BBX: variants seen among roughly 807,000 people sequenced by gnomAD.
The protein encoded by BBX is BBX high mobility group box domain containing, also known as HMG box transcription factor BBX.
BBX carries 30 observed loss-of-function variants against 100.2 expected under a neutral mutation model. The observed-to-expected ratio is 0.30, with a 90% CI of 0.22 to 0.41. The LOEUF (loss-of-function observed/expected upper bound fraction) is 0.41, where lower values mean the gene tolerates loss of function less well. Among genes scored for constraint, BBX ranks in the 10% least tolerant of loss-of-function variants. The pLI, the probability that BBX is intolerant of heterozygous loss-of-function variation, is 1.00. For synonymous variants in BBX, 376 were observed against 388.1 expected, an observed-to-expected ratio of 0.97 and a Z score of 0.37; for missense variants, 1,023 against 1,129.8, an observed-to-expected ratio of 0.91 and a Z score of 1.35.
Position 107,541,918 on chromosome 3 carries a change from A to G in BBX, c.-84+15520A>G, listed in dbSNP as rs138765072. On this transcript the variant is annotated intron_variant, in intron 2 of 17. Coordinates refer to ENST00000325805, the MANE Select transcript of BBX (RefSeq NM_001142568.3). The stretch of plus-strand genomic sequence containing the variant: ...ACCACAGCCTCAAACTCCTGGGCTC[A>G]AGTGATCCTTCTGCCTCAGCCTCCC... Among the ~76,000 whole-genome samples the G allele has an allele frequency of 3.3e-3, 496 of 152,092 alleles. 1 individual carries two copies. The highest frequency in any genetic ancestry group is 0.012 in the African/African-American group (481 of 41,490).
chr3:107,725,391 A>G (rs2062847163), intron 5 of BBX, among the ~76,000 whole-genome samples: 1 of 151,982 alleles, frequency 6.6e-6, no homozygotes, highest in African/African-American at 2.4e-5. Context: ...CTAATTGAAT[A>G]CCCTTTATTT....
chr3:107,580,126 T>C (rs974630465), intron 2 of BBX, among the ~76,000 whole-genome samples: 10 of 152,208 alleles, frequency 6.6e-5, no homozygotes, highest in Admixed American at 6.5e-4. Flanking sequence ...ATGCAGTTAA[T>C]TGGGTCTAGT....
intron 10 of BBX, among the ~76,000 whole-genome samples, chr3:107,763,083 A>ACTTGGGTCC (rs2066028134): frequency 6.6e-6 from 1 of 152,192 alleles, no homozygotes; most frequent in Non-Finnish European, 1.5e-5. Flanking sequence ...TATCCCTAAG[A>ACTTGGGTCC]TATGTCATTA....
At chr3:107,523,236 G>A in intron 1 of BBX, 129 bp downstream of exon 1, 1 of 225,442 alleles carries the variant, frequency 4.4e-6, no homozygotes, top group Non-Finnish European at 9.0e-6. Flanking sequence ...CGGCGGCGGC[G>A]GCGGCGGCGG....
intron 10 of BBX, among the ~76,000 whole-genome samples, chr3:107,770,053 C>T (rs2066774985): frequency 6.6e-6 from 1 of 152,136 alleles, no homozygotes; most frequent in African/African-American, 2.4e-5. Context: ...GGAAGTAAAG[C>T]ATGACTAGTG....
chr3:107,740,867 CT>C (rs1222346317), intron 7 of BBX, among the ~76,000 whole-genome samples: 2 of 151,086 alleles, frequency 1.3e-5, no homozygotes, highest in Non-Finnish European at 2.9e-5. Flanking sequence ...CCATTATGCA[CT>C]TACATTTTTG....
chr3:107,802,686 AC>A (rs1448336517), intron 17 of BBX, among the ~76,000 whole-genome samples: 3 of 152,238 alleles, frequency 2.0e-5, no homozygotes, highest in Admixed American at 6.5e-5. Context: ...GCGTGGTCAC[AC>A]CGTTGCTCTG....
At chr3:107,711,958 A>T (rs1189781841) in intron 4 of BBX, among the ~76,000 whole-genome samples, 1 of 151,864 alleles carries the variant, frequency 6.6e-6, no homozygotes, top group Non-Finnish European at 1.5e-5. Context: ...TGTAGCTTCC[A>T]TCCACCTCCC....
At chr3:107,799,875 C>T (rs2070235599) in intron 16 of BBX, among the ~76,000 whole-genome samples, 1 of 152,124 alleles carries the variant, frequency 6.6e-6, no homozygotes, top group East Asian at 1.9e-4. Context: ...ACTGAGACCC[C>T]CCGGCCGCAA....
chr3:107,651,634 A>G (rs1423960289), intron 3 of BBX, among the ~76,000 whole-genome samples: 1 of 152,202 alleles, frequency 6.6e-6, no homozygotes, highest in Non-Finnish European at 1.5e-5. Context: ...GAATGCAAAC[A>G]AGGAAATGGC....
chr3:107,697,173 C>T (rs1240450617), intron 3 of BBX, among the ~76,000 whole-genome samples: 16 of 151,872 alleles, frequency 1.1e-4, no homozygotes, highest in Admixed American at 7.2e-4. Context: ...GTAATTTGAT[C>T]GTCTGAAGCC....
intron 2 of BBX, among the ~76,000 whole-genome samples, chr3:107,572,438 CT>C (rs1321856782): frequency 1.3e-5 from 2 of 152,050 alleles, no homozygotes; most frequent in Non-Finnish European, 2.9e-5. Flanking sequence ...ATGCCTGAAG[CT>C]GATTGGAGAT....
At chr3:107,633,713 C>T (rs144854330) in intron 2 of BBX, among the ~76,000 whole-genome samples, 3 of 152,336 alleles carry the variant, frequency 2.0e-5, no homozygotes, top group East Asian at 1.9e-4. Context: ...TTTCCTCATA[C>T]GGAACCCCCA....
intron 2 of BBX, among the ~76,000 whole-genome samples, chr3:107,627,997 G>A (rs2056307501): frequency 6.6e-6 from 1 of 151,890 alleles, no homozygotes; most frequent in Non-Finnish European, 1.5e-5. Context: ...AAAATCTAGA[G>A]TCTGATTACA....
intron 3 of BBX, among the ~76,000 whole-genome samples, chr3:107,705,957 C>A (rs2061368427): frequency 6.7e-6 from 1 of 149,294 alleles, no homozygotes; most frequent in Non-Finnish European, 1.5e-5. Context: ...CTTCTAAAAT[C>A]TTTCTTCTTT....
intron 2 of BBX, among the ~76,000 whole-genome samples, chr3:107,635,591 A>G (rs2056800936): frequency 6.6e-6 from 1 of 152,238 alleles, no homozygotes; most frequent in Non-Finnish European, 1.5e-5. Context: ...GACTTACTGA[A>G]TATCATCATG....
intron 3 of BBX, among the ~76,000 whole-genome samples, chr3:107,662,416 G>GA (rs1197306007): frequency 1.3e-5 from 2 of 152,128 alleles, no homozygotes; most frequent in African/African-American, 2.4e-5. Flanking sequence ...CAGTCTTAGA[G>GA]AAATTCCAGT....
At position 107,553,960 on chromosome 3, in the gene BBX, G is replaced by T. The variant is rs905086220; in HGVS notation, c.-84+27562G>T. 4.0e-5 allele frequency among the ~76,000 whole-genome samples: 6 copies of T among 151,718 alleles called. No homozygotes were observed. In the East Asian group the frequency reaches 1.2e-3, roughly 29 times the overall value. On this transcript the variant is annotated intron_variant, in intron 2 of 17. Coordinates refer to ENST00000325805, the MANE Select transcript of BBX (RefSeq NM_001142568.3). The stretch of plus-strand genomic sequence containing the variant: ...TTGTTATGTGTTTTTTTTTCTTCTG[G>T]ATTCTCCAGATAAGCAGTTAATTAC...
At chr3:107,653,850 C>G (rs1442823271) in intron 3 of BBX, among the ~76,000 whole-genome samples, 2 of 152,092 alleles carry the variant, frequency 1.3e-5, no homozygotes. Flanking sequence ...GAGCACTGTC[C>G]TAATAAGTTG....
Sources: gnomAD v4.1 joint callset for allele counts (sites outside exome capture counted in the v4.1 genomes callset) on GRCh38, gnomAD v4.1.1 for gene constraint, MANE v1.5 for transcripts, NCBI Gene and HGNC (gene_info 2026-07-23, HGNC 2026-07-21) for gene names.